The following GRXCR1 variants were observed in gnomAD, a reference collection of about 807,000 sequenced individuals.
GRXCR1 encodes glutaredoxin domain-containing cysteine-rich protein 1.
GRXCR1 carries 27 observed loss-of-function variants against 27.3 expected under a neutral mutation model. The ratio of observed to expected loss-of-function variants is 0.99; its 90% CI spans 0.73 to 1.37. The LOEUF (loss-of-function observed/expected upper bound fraction) is 1.37. Among genes scored for constraint, GRXCR1 ranks in the 40% most tolerant of loss-of-function variants. The pLI is 0.00. For synonymous variants in GRXCR1, 122 were observed against 131.1 expected, an observed-to-expected ratio of 0.93 and a Z score of 0.47; for missense variants, 379 against 354.4, an observed-to-expected ratio of 1.07 and a Z score of -0.56.
intron 1 of GRXCR1, among the ~76,000 whole-genome samples, chr4:42,932,684 T>C (rs1394225930): frequency 2.2e-5 from 3 of 133,986 alleles, no homozygotes; most frequent in Non-Finnish European, 4.7e-5. Flanking sequence ...TACAGGGCCC[T>C]GTGCTATGCA....
intron 2 of GRXCR1, among the ~76,000 whole-genome samples, chr4:43,004,262 C>G (rs1440797805): frequency 6.6e-6 from 1 of 152,214 alleles, no homozygotes; most frequent in Non-Finnish European, 1.5e-5. Flanking sequence ...CGAGCTTCTG[C>G]CTAGATTTCA....
intron 2 of GRXCR1, among the ~76,000 whole-genome samples, chr4:42,964,788 A>C (rs1748201009): frequency 6.6e-6 from 1 of 152,058 alleles, no homozygotes; most frequent in East Asian, 1.9e-4. Flanking sequence ...TGTTGAATGG[A>C]TGGATGAATT....
chr4:42,985,479 T>A (rs2109787684), intron 2 of GRXCR1, among the ~76,000 whole-genome samples: 2 of 152,290 alleles, frequency 1.3e-5, no homozygotes, highest in Middle Eastern at 6.8e-3. Flanking sequence ...AATAAACATT[T>A]TAATAAGCAT....
At chr4:42,966,599 T>C (rs927341100) in intron 2 of GRXCR1, among the ~76,000 whole-genome samples, 2 of 152,080 alleles carry the variant, frequency 1.3e-5, no homozygotes, top group Non-Finnish European at 1.5e-5. Flanking sequence ...TCAGCAGACA[T>C]GGGTGCCCAA....
rs529085702 is a variant in GRXCR1 at position 42,907,990 on chromosome 4, C to G, written c.384+14340C>G. ...TGGCAATGTAGCACCACATAATAAC[C>G]ACTGGTTTAGGTATAAGTGGCATCC... On this transcript the variant is annotated intron_variant, in intron 1 of 3. Coordinates refer to ENST00000399770, the MANE Select transcript of GRXCR1 (RefSeq NM_001080476.3). Among the ~76,000 whole-genome samples the G allele has an allele frequency of 5.3e-5, 8 of 152,248 alleles. No individual in the cohort carries two copies. In the South Asian group the frequency reaches 1.7e-3, roughly 32 times the overall value.
rs187604868 is a variant in GRXCR1, at chr4:43,020,773, C to T, written c.693+354C>T. On this transcript the variant is annotated intron_variant, in intron 3 of 3. Coordinates refer to ENST00000399770, the MANE Select transcript of GRXCR1 (RefSeq NM_001080476.3). The stretch of plus-strand genomic sequence containing the variant: ...TTTATTTTTCCCATGGATCTTCCTA[C>T]ATATAGAAGAGCTTACTACATCATT... Among the ~76,000 whole-genome samples the T allele has an allele frequency of 3.1e-4, 47 of 152,306 alleles. 1 individual carries two copies. In the Middle Eastern group the frequency reaches 0.017, roughly 55 times the overall value.
At chr4:42,909,239 G>A (rs1289251267) in intron 1 of GRXCR1, among the ~76,000 whole-genome samples, 1 of 152,152 alleles carries the variant, frequency 6.6e-6, no homozygotes, top group African/African-American at 2.4e-5. Context: ...AATTATTGCT[G>A]TCAGATTTGT....
rs370167136 is a variant in GRXCR1, at chr4:42,898,493, C to T, written c.384+4843C>T. ...CTTTCCAGCAGTATTTATTATGCAT[C>T]TCTGGTTCACTGAATCAAACTCCGA... On this transcript the variant is annotated intron_variant, in intron 1 of 3. Transcript: ENST00000399770. 4.0e-4 allele frequency among the ~76,000 whole-genome samples: 61 copies of T among 152,076 alleles called. 1 individual carries two copies. In the South Asian group the frequency reaches 0.01, roughly 25 times the overall value.
intron 2 of GRXCR1, among the ~76,000 whole-genome samples, chr4:42,967,044 T>A (rs559702820): frequency 2.6e-5 from 4 of 152,186 alleles, no homozygotes; most frequent in Admixed American, 2.6e-4. Context: ...TTTTTAAGAT[T>A]AATGAAGTTC....
chr4:42,894,463 G>C (rs726270), intron 1 of GRXCR1, among the ~76,000 whole-genome samples: 1 of 151,800 alleles, frequency 6.6e-6, no homozygotes, highest in African/African-American at 2.4e-5. Context: ...CTATCATTAA[G>C]GTAGCCAATA....
In GRXCR1 at chr4:42,895,764, G is replaced by A. The variant is rs115188777; in HGVS notation, c.384+2114G>A. Reference sequence around the variant, plus strand: ...GGGGTAATGTACATCTTAGGCATATGTCTTAGGATGATAGTGTATATTCCC... The same window carrying A: ...GGGGTAATGTACATCTTAGGCATATATCTTAGGATGATAGTGTATATTCCC... On this transcript the variant is annotated intron_variant, in intron 1 of 3. Coordinates refer to ENST00000399770, the MANE Select transcript of GRXCR1 (RefSeq NM_001080476.3). Among the ~76,000 whole-genome samples the A allele has an allele frequency of 1.1e-3, 173 of 152,238 alleles. 1 individual carries two copies. The highest frequency in any genetic ancestry group is 4.0e-3 in the African/African-American group (166 of 41,568).
intron 2 of GRXCR1, among the ~76,000 whole-genome samples, chr4:42,984,607 T>C (rs1382384040): frequency 6.6e-6 from 1 of 152,192 alleles, no homozygotes; most frequent in Non-Finnish European, 1.5e-5. Context: ...CCTGAAGCCT[T>C]GGGTCACTGA....
chr4:42,928,863 G>A (rs552030090), intron 1 of GRXCR1, among the ~76,000 whole-genome samples: 62 of 152,086 alleles, frequency 4.1e-4, no homozygotes, highest in Non-Finnish European at 6.5e-4. Flanking sequence ...TGTGTCTCTG[G>A]ATTGGCTAGT....
At position 42,912,692 on chromosome 4, in the gene GRXCR1, A is replaced by G. The variant is rs144809209; in HGVS notation, c.384+19042A>G. Among the ~76,000 whole-genome samples, 192 of 152,316 alleles carry G rather than the reference A, an allele frequency of 1.3e-3. 5 individuals carry two copies. In the East Asian group the frequency reaches 0.034, roughly 27 times the overall value. ...TTGCCCTTATTATCTTATAAAAAGT[A>G]TTGGGACATTGGGAAACTAAAGTGC... is the stretch of plus-strand genomic sequence containing the variant. On this transcript the variant is annotated intron_variant, in intron 1 of 3. Coordinates refer to ENST00000399770, the MANE Select transcript of GRXCR1 (RefSeq NM_001080476.3).
intron 1 of GRXCR1, among the ~76,000 whole-genome samples, chr4:42,923,069 A>G (rs1747056965): frequency 6.6e-6 from 1 of 152,102 alleles, no homozygotes; most frequent in African/African-American, 2.4e-5. Flanking sequence ...GCTTTCTCAC[A>G]GATACCTCTC....
At position 42,893,507 on chromosome 4, in the gene GRXCR1, C is replaced by T. The variant is rs779435922; in HGVS notation, c.241C>T (p.Leu81=). 6.2e-7 allele frequency: 1 copy of T among 1,613,832 alleles called. No individual in the cohort carries two copies. Among genetic ancestry groups the T allele is most frequent in the East Asian group, 2.2e-5 (1 of 44,842 alleles). ...GAATGAGAATGACCAGGATAGCTTG[C>T]TGGTGTTAGCAAGGGCTGCCAGTGA... ...DENENDQDSL[L]VLARAASEKG... Residue 81 remains leucine (L), a synonymous_variant, in exon 1 of 4, where the codon CTG becomes TTG. Transcript: ENST00000399770.
At chr4:42,920,906 A>T (rs932167999) in intron 1 of GRXCR1, among the ~76,000 whole-genome samples, 1 of 140,896 alleles carries the variant, frequency 7.1e-6, no homozygotes, top group Non-Finnish European at 1.5e-5. Flanking sequence ...CTACTTTGCT[A>T]TGCGGCTATC....
intron 3 of GRXCR1, among the ~76,000 whole-genome samples, chr4:43,021,490 T>C (rs1174109978): frequency 6.6e-6 from 1 of 150,562 alleles, no homozygotes; most frequent in Non-Finnish European, 1.5e-5. Flanking sequence ...TTTATTCATA[T>C]TGTGACCTTT....
chr4:42,933,264 C>A (rs1401990718), intron 1 of GRXCR1, among the ~76,000 whole-genome samples: 1 of 151,732 alleles, frequency 6.6e-6, no homozygotes, highest in Non-Finnish European at 1.5e-5. Flanking sequence ...TTTCTAAAAC[C>A]AGTGCTTTAT....
Sources: allele counts gnomAD v4.1 joint callset (sites outside exome capture counted in the v4.1 genomes callset), GRCh38; gene constraint gnomAD v4.1.1; transcripts MANE v1.5; gene names NCBI Gene and HGNC (gene_info 2026-07-23, HGNC 2026-07-21).